ADGRB3: variants seen among roughly 807,000 people sequenced by gnomAD.
ADGRB3 encodes the protein brain-specific angiogenesis inhibitor 3.
Under a neutral mutation model 193.4 loss-of-function variants are expected in ADGRB3, and 37 were observed. The ratio of observed to expected loss-of-function variants is 0.19; its 90% CI spans 0.15 to 0.25. The LOEUF is 0.25. ADGRB3 is among the 10% of genes least tolerant of loss of function. ADGRB3 has a pLI of 1.00. For synonymous variants in ADGRB3, 690 were observed against 644.2 expected (o/e 1.07, Z -1.08); for missense variants, 1,637 against 1,852.9 (o/e 0.88, Z 2.14).
At chr6:68,921,266 A>G (rs537414595) in intron 3 of ADGRB3, among the ~76,000 whole-genome samples, 10 of 152,242 alleles carry the variant, frequency 6.6e-5, no homozygotes, top group Non-Finnish European at 1.2e-4. Flanking sequence ...TATGTAAAAG[A>G]TACATGCTTG....
chr6:68,907,552 G>A (rs186114772), intron 3 of ADGRB3, among the ~76,000 whole-genome samples: 3 of 151,424 alleles, frequency 2.0e-5, no homozygotes, highest in African/African-American at 4.8e-5. Flanking sequence ...ATTTTTTTAG[G>A]GATTCCTATT....
intron 16 of ADGRB3, among the ~76,000 whole-genome samples, chr6:69,071,459 A>G (rs1329837802): frequency 6.6e-6 from 1 of 152,186 alleles, no homozygotes; most frequent in South Asian, 2.1e-4. Context: ...AGAGGAGAGA[A>G]GTAAAAGAAA....
rs1041691716 is a variant in ADGRB3 at position 68,941,988 on chromosome 6, A to G, written c.1031-1842A>G. Among the ~76,000 whole-genome samples the G allele has an allele frequency of 5.3e-5, 8 of 151,486 alleles. No individual in the cohort carries two copies. The East Asian group carries it at 1.5e-3, about 29-fold the overall frequency. On this transcript the variant is annotated intron_variant, in intron 5 of 31. Transcript: ENST00000370598. ...TTTTCCCAAAATTTTATGGGAAAAA[A>G]GTAAAACATCATATTTTTTGTCACC...
chr6:69,380,443 G>A (rs1245152261), intron 30 of ADGRB3, among the ~76,000 whole-genome samples: 2 of 151,896 alleles, frequency 1.3e-5, no homozygotes, highest in African/African-American at 2.4e-5. Flanking sequence ...TAAGGGTGCC[G>A]TGCCTTTGGC....
In ADGRB3 at chr6:68,975,904, A is replaced by C. The variant is rs187221232; in HGVS notation, c.1734+564A>C. ...TCCCACATATCATTGACTTATTCAC[A>C]GAGTATGATGCATGAATATTTTGAG... is the stretch of plus-strand genomic sequence containing the variant. On this transcript the variant is annotated intron_variant, in intron 10 of 31. Coordinates refer to ENST00000370598, the MANE Select transcript of ADGRB3 (RefSeq NM_001704.3). 6.3e-4 allele frequency among the ~76,000 whole-genome samples: 96 copies of C among 152,332 alleles called. 1 individual carries two copies. Among genetic ancestry groups the C allele is most frequent in the African/African-American group, 2.2e-3 (92 of 41,582 alleles).
chr6:68,813,688 T>A (rs1767565679), intron 3 of ADGRB3, among the ~76,000 whole-genome samples: 1 of 152,104 alleles, frequency 6.6e-6, no homozygotes, highest in Non-Finnish European at 1.5e-5. Context: ...GTATATCTCC[T>A]AATGCTATCC....
intron 8 of ADGRB3, among the ~76,000 whole-genome samples, chr6:68,969,950 A>G (rs1768509664): frequency 1.3e-5 from 2 of 152,164 alleles, no homozygotes; most frequent in African/African-American, 4.8e-5. Context: ...GGCTCTAATC[A>G]TGGCCTCTCT....
At chr6:69,083,842 T>C (rs1772468638) in intron 17 of ADGRB3, among the ~76,000 whole-genome samples, 1 of 148,618 alleles carries the variant, frequency 6.7e-6, no homozygotes, top group African/African-American at 2.5e-5. Context: ...TGGCACGATC[T>C]CGGCTCACTG....
intron 8 of ADGRB3, among the ~76,000 whole-genome samples, chr6:68,957,643 G>C (rs1768111480): frequency 6.6e-6 from 1 of 152,098 alleles, no homozygotes; most frequent in Non-Finnish European, 1.5e-5. Context: ...CTGATTCCTG[G>C]GGGTACAGTG....
At chr6:68,897,942 A>T (rs1285096171) in intron 3 of ADGRB3, among the ~76,000 whole-genome samples, 1 of 147,558 alleles carries the variant, frequency 6.8e-6, no homozygotes, top group Non-Finnish European at 1.5e-5. Flanking sequence ...AACAGAAACA[A>T]ATATATATAT....
At position 69,296,235 on chromosome 6, in the gene ADGRB3, C is replaced by T. The variant is rs986006054; in HGVS notation, c.2815-28637C>T. 3.3e-5 allele frequency among the ~76,000 whole-genome samples: 5 copies of T among 152,086 alleles called. No individual in the cohort carries two copies. The East Asian group carries it at 7.7e-4, about 23-fold the overall frequency. On this transcript the variant is annotated intron_variant, in intron 20 of 31. Transcript: ENST00000370598. ...TAATAGCTGCAATAAGTACAATTGA[C>T]AGAATTGCAGTATGAATTTCAAGGA...
intron 3 of ADGRB3, among the ~76,000 whole-genome samples, chr6:68,848,487 G>A (rs1768332316): frequency 1.3e-5 from 2 of 151,956 alleles, no homozygotes; most frequent in South Asian, 4.1e-4. Context: ...GGAGTGAAAA[G>A]TCATACAAAA....
chr6:69,369,713 AAGAG>A (rs1309399663), intron 29 of ADGRB3, among the ~76,000 whole-genome samples: 5 of 151,450 alleles, frequency 3.3e-5, no homozygotes, highest in Admixed American at 6.6e-5. Flanking sequence ...AAAAAAAAAA[AAGAG>A]AGAGCGAGTC....
At chr6:69,354,452 T>C (rs1769294491) in intron 27 of ADGRB3, 124 bp downstream of exon 27, 16 of 763,008 alleles carry the variant, frequency 2.1e-5, no homozygotes, top group Admixed American at 4.4e-5. Flanking sequence ...AGTTCATTAA[T>C]AGACTGTGAA....
chr6:69,013,406 C>T (rs1039531223), intron 11 of ADGRB3, among the ~76,000 whole-genome samples: 1 of 152,102 alleles, frequency 6.6e-6, no homozygotes, highest in Non-Finnish European at 1.5e-5. Flanking sequence ...TCTATTCATT[C>T]TCCCATGTTG....
chr6:69,089,932 T>A (rs1469073913), intron 17 of ADGRB3, among the ~76,000 whole-genome samples: 1 of 152,336 alleles, frequency 6.6e-6, no homozygotes, highest in African/African-American at 2.4e-5. Context: ...TGAGAACCAT[T>A]GATATAGGGG....
intron 17 of ADGRB3, among the ~76,000 whole-genome samples, chr6:69,138,339 T>G (rs1774215088): frequency 6.6e-6 from 1 of 152,196 alleles, no homozygotes; most frequent in Non-Finnish European, 1.5e-5. Flanking sequence ...CAAAGTATAT[T>G]CAGCTGCCAA....
chr6:68,821,340 A>G (rs547446903), intron 3 of ADGRB3, among the ~76,000 whole-genome samples: 133 of 152,124 alleles, frequency 8.7e-4, no homozygotes, highest in African/African-American at 3.0e-3. Flanking sequence ...ATTACTTTAC[A>G]TAAGTACAAT....
intron 29 of ADGRB3, among the ~76,000 whole-genome samples, chr6:69,362,923 A>G (rs978940388): frequency 6.6e-6 from 1 of 152,052 alleles, no homozygotes; most frequent in African/African-American, 2.4e-5. Flanking sequence ...GTGTGCATAT[A>G]ATAACATAAC....
Sources: allele counts gnomAD v4.1 joint callset (sites outside exome capture counted in the v4.1 genomes callset), GRCh38; gene constraint gnomAD v4.1.1; transcripts MANE v1.5; gene names NCBI Gene and HGNC (gene_info 2026-07-23, HGNC 2026-07-21).